The following EYA1 variants were observed in gnomAD, a reference collection of about 807,000 sequenced individuals.
EYA1 encodes EYA transcriptional coactivator and phosphatase 1, also known as protein phosphatase EYA1.
A neutral mutation model predicts 82.0 loss-of-function variants in EYA1; 16 were observed. The observed-to-expected ratio is 0.20, with a 90% confidence interval of 0.13 to 0.30. The LOEUF (loss-of-function observed/expected upper bound fraction) is 0.30. Among genes scored for constraint, EYA1 ranks in the 10% least tolerant of loss-of-function variants. The pLI is 1.00. For synonymous variants in EYA1, 261 were observed against 264.4 expected (o/e 0.99, Z 0.12); for missense variants, 633 against 730.7 (o/e 0.87, Z 1.54).
chr8:71,224,718 T>C (rs1320395247), intron 12 of EYA1, among the ~76,000 whole-genome samples: 1 of 152,248 alleles, frequency 6.6e-6, no homozygotes, highest in African/African-American at 2.4e-5. Context: ...TCTGTGGATC[T>C]ATCCAGACTA....
At chr8:71,257,808 A>G (rs1814618579) in intron 11 of EYA1, among the ~76,000 whole-genome samples, 2 of 152,206 alleles carry the variant, frequency 1.3e-5, no homozygotes, top group Non-Finnish European at 2.9e-5. Context: ...ATCCCGGTGT[A>G]ATTTAAGAAG....
chr8:71,426,586 G>A (rs1243033970), intron 2 of EYA1, among the ~76,000 whole-genome samples: 2 of 152,226 alleles, frequency 1.3e-5, no homozygotes, highest in Non-Finnish European at 2.9e-5. Context: ...CTTGCCCTTG[G>A]AGAGGGAATA....
intron 2 of EYA1, among the ~76,000 whole-genome samples, chr8:71,511,047 C>A: frequency 6.6e-6 from 1 of 152,104 alleles, no homozygotes; most frequent in African/African-American, 2.4e-5. Flanking sequence ...CAGCTTAAGT[C>A]ATCTTCATAT....
intron 11 of EYA1, among the ~76,000 whole-genome samples, chr8:71,258,568 C>T (rs1424736432): frequency 1.3e-5 from 2 of 152,168 alleles, no homozygotes; most frequent in African/African-American, 4.8e-5. Context: ...TAGCAGGGGA[C>T]CTTACCCACT....
In EYA1 at chr8:71,317,616, G is replaced by A; in HGVS notation, c.492C>T (p.Leu164=). 2.5e-6 allele frequency: 4 copies of A among 1,614,150 alleles called. No individual in the cohort carries two copies. The highest frequency in any genetic ancestry group is 3.4e-6 in the Non-Finnish European group (4 of 1,179,988). ...QSQSPGQTGF[L]SYGTSFSTPQ... is the part of the protein sequence containing the mutation. ...GGGTACTGAAGCTTGTGCCATAGCT[G>A]AGAAATCCTGTCTGTCCAGGTGACT... Residue 164 remains leucine, a synonymous_variant, in exon 7 of 18, where the codon CTC becomes CTT. Transcript: ENST00000340726.
At chr8:71,400,985 A>G (rs568097754) in intron 2 of EYA1, among the ~76,000 whole-genome samples, 76 of 152,332 alleles carry the variant, frequency 5.0e-4, no homozygotes, top group African/African-American at 1.7e-3. Context: ...TGCCCTTTTC[A>G]GGGACATGGA....
At chr8:71,284,690 C>G (rs1818180609) in intron 9 of EYA1, among the ~76,000 whole-genome samples, 1 of 152,184 alleles carries the variant, frequency 6.6e-6, no homozygotes, top group Non-Finnish European at 1.5e-5. Flanking sequence ...TTCAAAAATG[C>G]TTTCATCCTT....
intron 4 of EYA1, among the ~76,000 whole-genome samples, chr8:71,323,230 T>C (rs1822786129): frequency 6.6e-6 from 1 of 152,204 alleles, no homozygotes; most frequent in Non-Finnish European, 1.5e-5. Context: ...CATATTTTTT[T>C]CCTCCAATTC....
intron 12 of EYA1, among the ~76,000 whole-genome samples, chr8:71,241,602 T>C (rs761623688): frequency 8.5e-5 from 13 of 152,198 alleles, no homozygotes; most frequent in Non-Finnish European, 1.6e-4. Context: ...TCAGGCATCA[T>C]ACTTCAAGCT....
intron 2 of EYA1, among the ~76,000 whole-genome samples, chr8:71,520,541 T>C (rs1416517472): frequency 6.6e-6 from 1 of 152,212 alleles, no homozygotes; most frequent in East Asian, 1.9e-4. Flanking sequence ...GAGTTTATAG[T>C]GCAAATGTAT....
At chr8:71,461,160 C>T (rs1475727511) in intron 2 of EYA1, among the ~76,000 whole-genome samples, 1 of 152,056 alleles carries the variant, frequency 6.6e-6, no homozygotes, top group Non-Finnish European at 1.5e-5. Context: ...GGCCAGAAAC[C>T]TTTGTGGCCA....
rs368351103 is a variant in EYA1 at position 71,322,205 on chromosome 8, G to A, written c.266C>T (p.Pro89Leu). The change falls in exon 5 of 18, where the codon CCT (proline) becomes CTT (leucine). Residue 89 changes from proline to leucine, a missense_variant. Coordinates refer to ENST00000340726, the MANE Select transcript of EYA1 (RefSeq NM_000503.6). ...THQFSPPQIY[P>L]SNRPYPHILP... ...AAGAGAAAATACATCTTACTTGGAA[G>A]GGTAAATCTGTGGTGGAGAGAACTG... 22 of 1,612,584 alleles carry A rather than the reference G, an allele frequency of 1.4e-5. No individual in the cohort carries two copies. The African/African-American group carries it at 2.8e-4, about 21-fold the overall frequency.
At chr8:71,518,479 T>C (rs1308150458) in intron 2 of EYA1, among the ~76,000 whole-genome samples, 4 of 152,166 alleles carry the variant, frequency 2.6e-5, no homozygotes, top group African/African-American at 9.6e-5. Context: ...CTGTCTGTCA[T>C]GTCTAGGAAT....
intron 2 of EYA1, among the ~76,000 whole-genome samples, chr8:71,496,817 T>C (rs1340208922): frequency 1.3e-5 from 2 of 152,126 alleles, no homozygotes; most frequent in African/African-American, 4.8e-5. Flanking sequence ...CCAATTATTG[T>C]TGGTCAATTA....
At chr8:71,509,326 A>G (rs956326403) in intron 2 of EYA1, among the ~76,000 whole-genome samples, 1 of 152,228 alleles carries the variant, frequency 6.6e-6, no homozygotes, top group Non-Finnish European at 1.5e-5. Flanking sequence ...CAACTTCACG[A>G]GTATTTTATA....
At chr8:71,371,318 C>T (rs1828068697) in intron 2 of EYA1, among the ~76,000 whole-genome samples, 1 of 152,086 alleles carries the variant, frequency 6.6e-6, no homozygotes, top group Non-Finnish European at 1.5e-5. Flanking sequence ...GATAACTGCC[C>T]CTGCTCTCTT....
intron 2 of EYA1, among the ~76,000 whole-genome samples, chr8:71,455,644 T>C (rs1164057919): frequency 2.0e-5 from 3 of 151,826 alleles, no homozygotes; most frequent in African/African-American, 4.8e-5. Flanking sequence ...ATAAACAGAA[T>C]CAAAGACAAA....
chr8:71,362,246 G>A, upstream of EYA1: 1 of 938,530 alleles, frequency 1.1e-6, no homozygotes, highest in Non-Finnish European at 1.2e-6. Flanking sequence ...TGCAACAATT[G>A]AAAGGAGCAC....
intron 2 of EYA1, among the ~76,000 whole-genome samples, chr8:71,446,462 T>A (rs528388642): frequency 1.3e-4 from 20 of 152,314 alleles, no homozygotes; most frequent in Admixed American, 5.9e-4. Context: ...GTGAGTCAAT[T>A]AAATCTCCTC....
Sources: gnomAD v4.1 joint callset for allele counts (sites outside exome capture counted in the v4.1 genomes callset) on GRCh38, gnomAD v4.1.1 for gene constraint, MANE v1.5 for transcripts, NCBI Gene and HGNC (gene_info 2026-07-23, HGNC 2026-07-21) for gene names.